ARF4: variants seen among roughly 807,000 people sequenced by gnomAD.
The protein encoded by ARF4 is ADP-ribosylation factor 4.
ARF4 carries 5 observed loss-of-function variants against 24.3 expected under a neutral mutation model. The ratio of observed to expected loss-of-function variants is 0.21; its 90% CI spans 0.11 to 0.43. The LOEUF is 0.43. Ranked by LOEUF, ARF4 falls within the 20% of genes least tolerant of loss-of-function variation. ARF4 has a pLI of 1.00. For synonymous variants in ARF4, 62 were observed against 73.5 expected (o/e 0.84, Z 0.80); for missense variants, 107 against 213.0 (o/e 0.50, Z 3.10).
intron 5 of ARF4, among the ~76,000 whole-genome samples, chr3:57,573,190 A>G (rs1311677555): frequency 6.8e-6 from 1 of 145,994 alleles, no homozygotes; most frequent in Non-Finnish European, 1.5e-5. Context: ...TGACAGAGCA[A>G]GACTCCATCT....
chr3:57,572,815 A>G (rs528880255), intron 5 of ARF4, among the ~76,000 whole-genome samples: 1 of 152,340 alleles, frequency 6.6e-6, no homozygotes, highest in South Asian at 2.1e-4. Context: ...AATCATGGGG[A>G]AATTAGTAAC....
chr3:57,595,868 T>C (rs1034466875), intron 1 of ARF4, among the ~76,000 whole-genome samples: 14 of 152,012 alleles, frequency 9.2e-5, no homozygotes, highest in Non-Finnish European at 1.5e-4. Context: ...GGAGAATCTC[T>C]TGAACCCGGG....
intron 4 of ARF4, 69 bp from the exon 5 acceptor site, chr3:57,575,742 T>A (rs2069895629): frequency 6.8e-7 from 1 of 1,471,832 alleles, no homozygotes; most frequent in Admixed American, 2.2e-5. Flanking sequence ...TCTTCCTATA[T>A]ATACTTTACT....
At chr3:57,577,865 G>A (rs1412146818) in intron 3 of ARF4, among the ~76,000 whole-genome samples, 1 of 151,702 alleles carries the variant, frequency 6.6e-6, no homozygotes, top group African/African-American at 2.4e-5. Flanking sequence ...ACCAGCCTGG[G>A]CAACATGGCG....
rs371640642 is a variant in ARF4, at chr3:57,593,562, T to C, written c.67+3512A>G. Among the ~76,000 whole-genome samples, 210 of 152,302 alleles carry C rather than the reference T, an allele frequency of 1.4e-3. 1 individual carries two copies. Among genetic ancestry groups the C allele is most frequent in the African/African-American group, 4.8e-3 (198 of 41,570 alleles). On this transcript the variant is annotated intron_variant, in intron 1 of 5. Transcript: ENST00000303436. The stretch of plus-strand genomic sequence containing the variant: ...CACTACACTGATATCAGCAAACTTT[T>C]TAAAAGTAACACTTTTTCAGCTTTT...
chr3:57,575,650 A>G lies in ARF4; in HGVS notation c.354T>C (p.Asp118=). 1 of 1,611,802 alleles carries G rather than the reference A, an allele frequency of 6.2e-7. No individual in the cohort carries two copies. The highest frequency in any genetic ancestry group is 8.5e-7 in the Non-Finnish European group (1 of 1,179,288). Reference sequence around the variant, plus strand: ...TGTTTGCAAAAAGTAGCAGCACTGCATCTCTCAATTCATCTACCAGAAGCT... The same window carrying G: ...TGTTTGCAAAAAGTAGCAGCACTGCGTCTCTCAATTCATCTACCAGAAGCT... ...QKMLLVDELR[D]AVLLLFANKQ... Residue 118 remains aspartate, a synonymous_variant, in exon 5 of 6, where the codon GAT becomes GAC. Transcript: ENST00000303436.
intron 1 of ARF4, among the ~76,000 whole-genome samples, chr3:57,587,518 AG>A (rs1221978763): frequency 6.6e-6 from 1 of 151,970 alleles, no homozygotes; most frequent in Admixed American, 6.6e-5. Context: ...CTCTACTGAT[AG>A]GAATTTTTTT....
chr3:57,589,874 T>C (rs1370971084), intron 1 of ARF4, among the ~76,000 whole-genome samples: 3 of 150,606 alleles, frequency 2.0e-5, no homozygotes, highest in African/African-American at 7.3e-5. Flanking sequence ...GGGTGGATCA[T>C]GAGGCCAGGA....
intron 1 of ARF4, among the ~76,000 whole-genome samples, chr3:57,591,679 C>T (rs960734878): frequency 6.6e-6 from 1 of 152,054 alleles, no homozygotes; most frequent in Non-Finnish European, 1.5e-5. Context: ...GTTGTCCAGG[C>T]TGGTCTCGAA....
At chr3:57,584,735 G>A (rs542853346) in intron 1 of ARF4, among the ~76,000 whole-genome samples, 5 of 152,170 alleles carry the variant, frequency 3.3e-5, no homozygotes, top group South Asian at 2.1e-4. Flanking sequence ...CTAGCTTTGC[G>A]ACAAACTAGT....
chr3:57,577,361 G>A lies in ARF4; in HGVS notation c.285C>T (p.Asn95=), dbSNP rs367913501. ...CTACTTCCTGAATTCTTTCACGATC[G>A]TTGCTATCTACCACAAAAATAAGAC... The part of the protein sequence containing the change: ...TQGLIFVVDS[N]DRERIQEVAD... Residue 95 remains asparagine (N), a synonymous_variant, in exon 4 of 6, where the codon AAC becomes AAT. Transcript: ENST00000303436. 7.4e-6 allele frequency: 12 copies of A among 1,613,092 alleles called. No individual in the cohort carries two copies. Among genetic ancestry groups the A allele is most frequent in the African/African-American group, 4.0e-5 (3 of 74,830 alleles).
intron 3 of ARF4, among the ~76,000 whole-genome samples, chr3:57,579,177 T>TTGGCAGGCGGAGGCTGCAGTGAGCCGAGA (rs1450447109): frequency 6.1e-5 from 8 of 131,392 alleles, no homozygotes; most frequent in African/African-American, 2.3e-4. Flanking sequence ...TCCCAGCTAC[T>TTGGCAGGCGGAGGCTGCAGTGAGCCGAGA]TGGCAGGCGG....
Position 57,574,758 on chromosome 3 carries a change from G to A in ARF4, c.456+790C>T, listed in dbSNP as rs188732566. Among the ~76,000 whole-genome samples, 39 of 152,202 alleles carry A rather than the reference G, an allele frequency of 2.6e-4. No individual in the cohort carries two copies. In the East Asian group the frequency reaches 6.6e-3, roughly 26 times the overall value. On this transcript the variant is annotated intron_variant, in intron 5 of 5. Transcript: ENST00000303436. ...GCAAACAAGGCTGGGCACCATGGCTGGAATCCCAGCGCTTTGGTAGGCTGA... is the reference window on the plus strand; with the variant it reads ...GCAAACAAGGCTGGGCACCATGGCTAGAATCCCAGCGCTTTGGTAGGCTGA...
intron 1 of ARF4, among the ~76,000 whole-genome samples, chr3:57,591,637 T>G (rs2070117962): frequency 6.6e-6 from 1 of 152,046 alleles, no homozygotes; most frequent in Non-Finnish European, 1.5e-5. Context: ...CGGCTAATTT[T>G]TGTATTTTGA....
intron 3 of ARF4, among the ~76,000 whole-genome samples, chr3:57,578,534 C>T (rs937831118): frequency 2.0e-5 from 3 of 151,416 alleles, no homozygotes; most frequent in African/African-American, 7.3e-5. Context: ...CCTAGGAGCA[C>T]AGTAGCACAA....
At chr3:57,590,971 C>T (rs2070105239) in intron 1 of ARF4, among the ~76,000 whole-genome samples, 1 of 152,170 alleles carries the variant, frequency 6.6e-6, no homozygotes, top group African/African-American at 2.4e-5. Flanking sequence ...TGATTCTATA[C>T]ATTTTTGGAC....
At position 57,572,204 on chromosome 3, in the gene ARF4, A is replaced by G. The variant is rs765828909; in HGVS notation, c.*8T>C. 3 of 1,609,642 alleles carry G rather than the reference A, an allele frequency of 1.9e-6. No individual in the cohort carries two copies. The highest frequency in any genetic ancestry group is 1.7e-6 in the Non-Finnish European group (2 of 1,176,108). On this transcript the variant is annotated 3_prime_UTR_variant, in exon 6 of 6. Coordinates refer to ENST00000303436, the MANE Select transcript of ARF4 (RefSeq NM_001660.4). ...CAAACATGTCCTTGGTTAGATATCC[A>G]ATTTCATTTAACGTTTTGAAAGCTC...
At position 57,575,359 on chromosome 3, in the gene ARF4, CAGT is replaced by C. The variant is rs1360540953; in HGVS notation, c.456+186_456+188del. Among the ~76,000 whole-genome samples, 13 of 149,780 alleles carry C rather than the reference CAGT, an allele frequency of 8.7e-5. 1 individual carries two copies. ...ATCAATAATCTTTAGACCTATTCTA[CAGT>C]AGTTTTCCGTTTCTTTACAAAAATC... is the stretch of plus-strand genomic sequence containing the variant. On this transcript the variant is annotated intron_variant, in intron 5 of 5. Coordinates refer to ENST00000303436, the MANE Select transcript of ARF4 (RefSeq NM_001660.4).
At chr3:57,576,192 C>T (rs1182849477) in intron 4 of ARF4, among the ~76,000 whole-genome samples, 4 of 151,964 alleles carry the variant, frequency 2.6e-5, no homozygotes, top group African/African-American at 4.8e-5. Flanking sequence ...GCAATATAGA[C>T]GAACCCTGAA....
Sources: gnomAD v4.1 joint callset for allele counts (sites outside exome capture counted in the v4.1 genomes callset) on GRCh38, gnomAD v4.1.1 for gene constraint, MANE v1.5 for transcripts, NCBI Gene and HGNC (gene_info 2026-07-23, HGNC 2026-07-21) for gene names.